ANAPC10: variants seen among roughly 807,000 people sequenced by gnomAD.
ANAPC10 encodes anaphase promoting complex subunit 10, also known as anaphase-promoting complex subunit 10.
ANAPC10 carries 12 observed loss-of-function variants against 22.0 expected under a neutral mutation model. The observed-to-expected ratio is 0.55, with a 90% confidence interval of 0.35 to 0.88. The LOEUF (loss-of-function observed/expected upper bound fraction) is 0.88, where lower values mean the gene tolerates loss of function less well. Among genes scored for constraint, ANAPC10 ranks in the 40% least tolerant of loss-of-function variants. The pLI is 0.01. For missense variants in ANAPC10, 188 were observed against 220.9 expected (o/e 0.85, Z 0.94); for synonymous variants, 65 against 69.5 (o/e 0.94, Z 0.32).
chr4:145,006,632 C>T (rs760970351), intron 4 of ANAPC10, among the ~76,000 whole-genome samples: 5 of 152,010 alleles, frequency 3.3e-5, no homozygotes, highest in Non-Finnish European at 7.4e-5. Context: ...AAAAATAAAA[C>T]GACGATAATT....
intron 4 of ANAPC10, among the ~76,000 whole-genome samples, chr4:145,025,461 T>G (rs1300483454): frequency 1.3e-5 from 2 of 151,920 alleles, no homozygotes; most frequent in African/African-American, 4.8e-5. Context: ...TCAATATTGT[T>G]GTGTCTCAAC....
At chr4:145,071,671 G>T (rs960109439) in intron 3 of ANAPC10, among the ~76,000 whole-genome samples, 2 of 152,086 alleles carry the variant, frequency 1.3e-5, no homozygotes, top group African/African-American at 4.8e-5. Context: ...AACCTGAAGG[G>T]TTATCTTAGT....
chr4:145,053,605 T>A (rs1741452078), intron 4 of ANAPC10: 4 of 421,702 alleles, frequency 9.5e-6, no homozygotes, highest in Non-Finnish European at 1.7e-5. Context: ...GAGGAAAGAT[T>A]CCCAAATATC....
chr4:145,083,441 T>C (rs957941472), intron 2 of ANAPC10, among the ~76,000 whole-genome samples: 2 of 152,294 alleles, frequency 1.3e-5, no homozygotes, highest in South Asian at 2.1e-4. Context: ...TTCTAGAGAA[T>C]AGATTTCTAG....
chr4:145,032,602 C>A (rs916585414), intron 4 of ANAPC10, among the ~76,000 whole-genome samples: 1 of 152,236 alleles, frequency 6.6e-6, no homozygotes. Flanking sequence ...CCACTGTCAT[C>A]GCCCAATGGG....
chr4:145,026,354 A>C (rs1736654598), intron 4 of ANAPC10, among the ~76,000 whole-genome samples: 1 of 152,206 alleles, frequency 6.6e-6, no homozygotes, highest in Admixed American at 6.5e-5. Flanking sequence ...CTTGTAAGTG[A>C]TGTTCTAGTA....
At chr4:145,026,711 C>T (rs1235257133) in intron 4 of ANAPC10, among the ~76,000 whole-genome samples, 2 of 146,176 alleles carry the variant, frequency 1.4e-5, no homozygotes, top group African/African-American at 5.1e-5. Context: ...AAGCAGCAAG[C>T]AAACAAAGAC....
At chr4:145,036,476 T>C (rs1403542969) in intron 4 of ANAPC10, among the ~76,000 whole-genome samples, 1 of 151,984 alleles carries the variant, frequency 6.6e-6, no homozygotes, top group Admixed American at 6.6e-5. Flanking sequence ...TGGGACAGGG[T>C]GAGAAGTATG....
chr4:145,014,782 G>A (rs1734850872), intron 4 of ANAPC10, among the ~76,000 whole-genome samples: 1 of 152,280 alleles, frequency 6.6e-6, no homozygotes, highest in South Asian at 2.1e-4. Flanking sequence ...ACAATGCCCA[G>A]TACCAGTCCG....
intron 4 of ANAPC10, among the ~76,000 whole-genome samples, chr4:145,036,362 C>T (rs915525637): frequency 5.3e-5 from 8 of 152,268 alleles, no homozygotes; most frequent in East Asian, 1.9e-4. Context: ...CAGGTATCTA[C>T]GTACATGCAT....
At chr4:145,075,683 G>A (rs1463118213) in intron 3 of ANAPC10, among the ~76,000 whole-genome samples, 1 of 152,202 alleles carries the variant, frequency 6.6e-6, no homozygotes, top group African/African-American at 2.4e-5. Context: ...TAGGTGTGGA[G>A]TAGTCCACTC....
At chr4:145,072,489 C>T (rs886217526) in intron 3 of ANAPC10, among the ~76,000 whole-genome samples, 1 of 152,110 alleles carries the variant, frequency 6.6e-6, no homozygotes, top group Non-Finnish European at 1.5e-5. Context: ...CTCTTTCAAA[C>T]TTGTTTGTAA....
At chr4:145,020,159 G>C (rs1169086368) in intron 4 of ANAPC10, among the ~76,000 whole-genome samples, 1 of 152,136 alleles carries the variant, frequency 6.6e-6, no homozygotes, top group Non-Finnish European at 1.5e-5. Context: ...CCATATCCCT[G>C]ATGAACATAA....
intron 4 of ANAPC10, among the ~76,000 whole-genome samples, chr4:145,040,159 GTGTGTT>G (rs1269960824): frequency 5.3e-5 from 6 of 113,050 alleles, no homozygotes; most frequent in African/African-American, 1.5e-4. Context: ...GTGTGTGTGT[GTGTGTT>G]TTGAGACGGA....
chr4:145,085,926 C>T (rs934273513), intron 2 of ANAPC10, among the ~76,000 whole-genome samples: 2 of 151,208 alleles, frequency 1.3e-5, no homozygotes, highest in Non-Finnish European at 2.9e-5. Context: ...TGCAGTGGCG[C>T]GATTTCAGCT....
chr4:145,089,334 T>C (rs1185499878), intron 2 of ANAPC10, among the ~76,000 whole-genome samples: 2 of 152,148 alleles, frequency 1.3e-5, no homozygotes, highest in African/African-American at 4.8e-5. Context: ...ACAAATAGCA[T>C]ATAAGCCCTG....
Position 145,036,995 on chromosome 4 carries a change from CGTGTGTGTGTGTGTGT to C in ANAPC10, c.327+27561_327+27576del, listed in dbSNP as rs202100756. On this transcript the variant is annotated intron_variant, in intron 4 of 4. Coordinates refer to ENST00000507656, the MANE Select transcript of ANAPC10 (RefSeq NM_001256706.2). ...TCTATTTCTTATACCAAATAGATAA[CGTGTGTGTGTGTGTGT>C]GTGTGTGTGTGTGTGTGTGTGTGTG... Among the ~76,000 whole-genome samples the C allele has an allele frequency of 5.2e-4, 68 of 131,244 alleles. 1 individual carries two copies. The highest frequency in any genetic ancestry group is 7.9e-4 in the Non-Finnish European group (49 of 62,026). 86.1% of individuals were successfully genotyped at this position (131,244 alleles called of 152,430 possible).
At chr4:145,087,905 G>A in intron 2 of ANAPC10, among the ~76,000 whole-genome samples, 1 of 152,008 alleles carries the variant, frequency 6.6e-6, no homozygotes, top group African/African-American at 2.4e-5. Flanking sequence ...AAAATTAGCT[G>A]AGTGTGGTGG....
At chr4:145,071,378 C>T (rs1744466187) in intron 3 of ANAPC10, among the ~76,000 whole-genome samples, 1 of 152,068 alleles carries the variant, frequency 6.6e-6, no homozygotes, top group Admixed American at 6.5e-5. Context: ...TGCACTCCAG[C>T]CTGGGCAACG....
Sources: gnomAD v4.1 joint callset for allele counts (sites outside exome capture counted in the v4.1 genomes callset) on GRCh38, gnomAD v4.1.1 for gene constraint, MANE v1.5 for transcripts, NCBI Gene and HGNC (gene_info 2026-07-23, HGNC 2026-07-21) for gene names.